The following ARMC2 variants were observed in gnomAD, a reference collection of about 807,000 sequenced individuals.
The protein encoded by ARMC2 is armadillo repeat containing 2.
Under a neutral mutation model 90.3 loss-of-function variants are expected in ARMC2, and 67 were observed. The ratio of observed to expected loss-of-function variants is 0.74; its 90% CI spans 0.61 to 0.91. The LOEUF is 0.91. ARMC2 is among the 40% of genes least tolerant of loss of function. The pLI is 0.00. For missense variants in ARMC2, 920 were observed against 1,030.9 expected (o/e 0.89, Z 1.47); for synonymous variants, 393 against 393.0 (o/e 1.00, Z 0.00).
chr6:108,937,670 T>G (rs946151998), intron 12 of ARMC2, among the ~76,000 whole-genome samples: 6 of 152,184 alleles, frequency 3.9e-5, no homozygotes, highest in African/African-American at 1.4e-4. Context: ...CAAATCATAA[T>G]ATTTCATACA....
intron 12 of ARMC2, among the ~76,000 whole-genome samples, chr6:108,949,795 G>A (rs2128502362): frequency 6.6e-6 from 1 of 152,274 alleles, no homozygotes; most frequent in East Asian, 1.9e-4. Flanking sequence ...TTAGACTTAA[G>A]GCCCATAAAT....
At chr6:108,936,705 C>T (rs78499334) in intron 11 of ARMC2, among the ~76,000 whole-genome samples, 195 bp from the exon 12 acceptor site, 2,039 of 152,220 alleles carry the variant, frequency 0.013, 14 homozygotes, top group African/African-American at 0.023. Flanking sequence ...TAAATTTTTC[C>T]GGATCCATCT....
At chr6:108,988,602 CA>C in the ARMC2 span, 1 of 1,613,384 alleles carries the variant, frequency 6.2e-7, no homozygotes, top group Non-Finnish European at 8.5e-7. Flanking sequence ...GTAACCTTTT[CA>C]GGAGTGCAAA....
chr6:108,904,519 C>A, intron 8 of ARMC2, 114 bp downstream of exon 8: 1 of 1,076,582 alleles, frequency 9.3e-7, no homozygotes, highest in Non-Finnish European at 1.3e-6. Flanking sequence ...TGTTTAGAAT[C>A]TTGGAAAAAA....
chr6:108,928,032 G>C, intron 10 of ARMC2, 56 bp from the exon 11 acceptor site: 1 of 1,512,462 alleles, frequency 6.6e-7, no homozygotes, highest in South Asian at 1.3e-5. Context: ...ATGCTGTTTC[G>C]TGTGGTTATA....
At chr6:108,898,191 G>A (rs1165426679) in intron 6 of ARMC2, among the ~76,000 whole-genome samples, 3 of 152,116 alleles carry the variant, frequency 2.0e-5, no homozygotes, top group Non-Finnish European at 4.4e-5. Flanking sequence ...TGCTCAACTT[G>A]TCCTTTGTGC....
In ARMC2 at chr6:108,927,372, C is replaced by A. The variant is rs550910981; in HGVS notation, c.1351-716C>A. Among the ~76,000 whole-genome samples, 3 of 152,244 alleles carry A rather than the reference C, an allele frequency of 2.0e-5. No homozygotes were observed. In the East Asian group the frequency reaches 5.8e-4, roughly 29 times the overall value. On this transcript the variant is annotated intron_variant, in intron 10 of 17. Coordinates refer to ENST00000392644, the MANE Select transcript of ARMC2 (RefSeq NM_032131.6). ...AGCTCTGGGAGGTTAAATAACTAAC[C>A]CAGGCTGATGGGTGGTGAGGCTGAA...
chr6:108,908,143 G>C (rs986330603), intron 8 of ARMC2, among the ~76,000 whole-genome samples: 11 of 152,002 alleles, frequency 7.2e-5, no homozygotes, highest in African/African-American at 2.7e-4. Context: ...AGTGCTGGGG[G>C]GGGCCTGAGA....
chr6:108,940,570 C>A (rs914462299), intron 12 of ARMC2, among the ~76,000 whole-genome samples: 2 of 152,168 alleles, frequency 1.3e-5, no homozygotes. Context: ...CTGCTCTTTA[C>A]TGTACATGTG....
intron 6 of ARMC2, among the ~76,000 whole-genome samples, chr6:108,897,257 A>G (rs943656584): frequency 6.6e-6 from 1 of 152,210 alleles, no homozygotes; most frequent in Admixed American, 6.5e-5. Flanking sequence ...GGTACGTAAT[A>G]TGCAATGTGT....
chr6:108,851,047 C>G lies in ARMC2; in HGVS notation c.-44+2501C>G, dbSNP rs115146019. Reference sequence around the variant, plus strand: ...GCCCTCCTTTCCTTCCTGCCCATCTCTGCCAGATCACATCATCCCTCAAAA... The same window carrying G: ...GCCCTCCTTTCCTTCCTGCCCATCTGTGCCAGATCACATCATCCCTCAAAA... On this transcript the variant is annotated intron_variant, in intron 1 of 17. Transcript: ENST00000392644. 9.3e-3 allele frequency among the ~76,000 whole-genome samples: 1,423 copies of G among 152,340 alleles called. 30 individuals are homozygous for G. Among genetic ancestry groups the G allele is most frequent in the African/African-American group, 0.033 (1,357 of 41,572 alleles).
At chr6:109,022,353 C>T in the ARMC2 span, among the ~76,000 whole-genome samples, 287 of 141,370 alleles carry the variant, frequency 2.0e-3, 1 homozygote, top group Non-Finnish European at 3.3e-3. Flanking sequence ...ATACTAGTTT[C>T]GATTTGATAT....
the ARMC2 span, among the ~76,000 whole-genome samples, chr6:108,984,385 G>T: frequency 6.6e-6 from 1 of 152,304 alleles, no homozygotes; most frequent in East Asian, 1.9e-4. Flanking sequence ...TTAGTGCCTA[G>T]TGAGTGTTTT....
At chr6:108,930,807 G>A (rs1337482872) in intron 11 of ARMC2, among the ~76,000 whole-genome samples, 4 of 151,754 alleles carry the variant, frequency 2.6e-5, no homozygotes, top group African/African-American at 9.7e-5. Flanking sequence ...GTGTTAGCCA[G>A]GATGGTCTCG....
chr6:108,922,493 A>G (rs146130281), intron 10 of ARMC2, among the ~76,000 whole-genome samples: 1 of 152,236 alleles, frequency 6.6e-6, no homozygotes, highest in African/African-American at 2.4e-5. Flanking sequence ...ATTAATTAAT[A>G]GTTGAAAACA....
intron 8 of ARMC2, 141 bp downstream of exon 8, chr6:108,904,546 G>A: frequency 1.3e-6 from 1 of 755,156 alleles, no homozygotes; most frequent in Non-Finnish European, 1.9e-6. Flanking sequence ...GTAATAAACT[G>A]ACATCTCAGA....
intron 1 of ARMC2, among the ~76,000 whole-genome samples, chr6:108,850,075 C>G (rs1429131506): frequency 6.6e-6 from 1 of 152,154 alleles, no homozygotes; most frequent in Non-Finnish European, 1.5e-5. Context: ...GTTCCAGTGG[C>G]TATTAGCAGC....
chr6:109,015,438 A>AT, the ARMC2 span, among the ~76,000 whole-genome samples: 1 of 152,334 alleles, frequency 6.6e-6, no homozygotes, highest in East Asian at 1.9e-4. Flanking sequence ...ACAAGATACC[A>AT]TTGTTTGACA....
At chr6:108,955,170 C>G (rs1777483499) in intron 13 of ARMC2, among the ~76,000 whole-genome samples, 2 of 152,156 alleles carry the variant, frequency 1.3e-5, no homozygotes, top group Admixed American at 1.3e-4. Context: ...CATGTGCATT[C>G]TGGGGGATAC....
Sources: gnomAD v4.1 joint callset for allele counts (sites outside exome capture counted in the v4.1 genomes callset) on GRCh38, gnomAD v4.1.1 for gene constraint, MANE v1.5 for transcripts, NCBI Gene and HGNC (gene_info 2026-07-23, HGNC 2026-07-21) for gene names.